TXNIP: variants seen among roughly 807,000 people sequenced by gnomAD.
TXNIP encodes thioredoxin interacting protein, also known as thioredoxin-interacting protein.
A neutral mutation model predicts 43.9 loss-of-function variants in TXNIP; 23 were observed. The observed-to-expected ratio is 0.52, with a 90% confidence interval of 0.38 to 0.74. TXNIP has a LOEUF of 0.74. TXNIP is among the 30% of genes least tolerant of loss of function. The probability of loss-of-function intolerance (pLI) is 0.00; values close to 1 mark genes in which losing one functional copy is unlikely to be tolerated. For missense variants in TXNIP, 555 were observed against 485.4 expected, an observed-to-expected ratio of 1.14 and a Z score of -1.35; for synonymous variants, 234 against 172.2, an observed-to-expected ratio of 1.36 and a Z score of -2.81.
In TXNIP at chr1:145,993,115, CAT is replaced by C. The variant is rs1356195735; in HGVS notation, c.*734_*735del. The C allele has an allele frequency of 6.6e-6, 1 of 152,628 alleles. No individual in the cohort carries two copies. Among genetic ancestry groups the C allele is most frequent in the Admixed American group, 6.5e-5 (1 of 15,280 alleles). The allele number at this position is 152,628 out of a possible 1,614,324, so 9.5% of individuals were successfully genotyped here. A position where few individuals can be genotyped will look rare whatever the true frequency, so the allele number is the denominator to read the frequency against. ...TTACATGAAGAGAAAACCATCCTCC[CAT>C]ATGAAAATATTTGCAGTAGGAGAAC... On this transcript the variant is annotated 3_prime_UTR_variant, in exon 8 of 8. Coordinates refer to ENST00000582401, the MANE Select transcript of TXNIP (RefSeq NM_006472.6).
In TXNIP at chr1:145,993,813, A is replaced by G; in HGVS notation, c.*38T>C. The G allele has an allele frequency of 1.2e-6, 2 of 1,613,326 alleles. No individual in the cohort carries two copies. The highest frequency in any genetic ancestry group is 1.7e-6 in the Non-Finnish European group (2 of 1,179,518). The stretch of plus-strand genomic sequence containing the variant: ...AGTGTCCAGGAAGAGAGACAAAAAG[A>G]AACAAGTAGGTAAAGCTGCTTCTTT... On this transcript the variant is annotated 3_prime_UTR_variant, in exon 8 of 8. Transcript: ENST00000582401.
rs1409106007 is a variant in TXNIP at position 145,996,553 on chromosome 1, C to T, written c.-287G>A. 1.3e-5 allele frequency: 4 copies of T among 297,636 alleles called. No individual in the cohort carries two copies. Among genetic ancestry groups the T allele is most frequent in the South Asian group, 3.4e-5 (1 of 29,116 alleles). 18.4% of individuals were successfully genotyped at this position (297,636 alleles called of 1,614,324 possible). ...AAAAGATCCGATCTCCACAAGCACT[C>T]CTTTGGAGAAAAAGAGGGGTTAGTT... is the stretch of plus-strand genomic sequence containing the variant. On this transcript the variant is annotated 5_prime_UTR_variant, in exon 1 of 8. Coordinates refer to ENST00000582401, the MANE Select transcript of TXNIP (RefSeq NM_006472.6).
rs1297825524 is a variant in TXNIP, at chr1:145,992,950, ATTTT to A, written c.*897_*900del. On this transcript the variant is annotated 3_prime_UTR_variant, in exon 8 of 8. Transcript: ENST00000582401. ...TTGGGGCAATCTCAAAAGTAGTAAA[ATTTT>A]TTTTGTCTTTTGGCTTAACCCTAGA... 3.9e-5 allele frequency: 6 copies of A among 152,438 alleles called. No individual in the cohort carries two copies. Among genetic ancestry groups the A allele is most frequent in the Non-Finnish European group, 4.4e-5 (3 of 68,006 alleles). 9.4% of individuals were successfully genotyped at this position (152,438 alleles called of 1,614,324 possible). A position where few individuals can be genotyped will look rare whatever the true frequency, so the allele number is the denominator to read the frequency against.
rs782549753 is a variant in TXNIP, at chr1:145,996,558, G to A, written c.-292C>T. On this transcript the variant is annotated 5_prime_UTR_variant, in exon 1 of 8. Coordinates refer to ENST00000582401, the MANE Select transcript of TXNIP (RefSeq NM_006472.6). ...ATCCGATCTCCACAAGCACTCCTTTGGAGAAAAAGAGGGGTTAGTTTCAAG... is the reference window on the plus strand; with the variant it reads ...ATCCGATCTCCACAAGCACTCCTTTAGAGAAAAAGAGGGGTTAGTTTCAAG... The A allele has an allele frequency of 3.1e-5, 9 of 287,072 alleles. No homozygotes were observed. The highest frequency in any genetic ancestry group is 5.0e-5 in the Admixed American group (1 of 19,852). 17.8% of individuals were successfully genotyped at this position (287,072 alleles called of 1,614,324 possible). A position where few individuals can be genotyped will look rare whatever the true frequency, so the allele number is the denominator to read the frequency against.
Position 145,994,201 on chromosome 1 carries a change from G to A in TXNIP, c.989-34C>T, listed in dbSNP as rs782338839. The A allele has an allele frequency of 3.7e-6, 6 of 1,612,936 alleles. No homozygotes were observed. In the Admixed American group the frequency reaches 1.0e-4, roughly 27 times the overall value. On this transcript the variant is annotated intron_variant, in intron 6 of 7. Transcript: ENST00000582401. ...GAAAATATGGCCACATAAGAATCCT[G>A]CCCAAGAAATGCTGGACCATCACAA...
chr1:145,994,083 G>C lies in TXNIP; in HGVS notation c.1073C>G (p.Ser358Cys), dbSNP rs781820408. Residue 358 changes from serine (S) to cysteine (C), a missense_variant, in exon 7 of 8, where the codon TCT (serine) becomes TGT (cysteine). Coordinates refer to ENST00000582401, the MANE Select transcript of TXNIP (RefSeq NM_006472.6). ...ATACATAAAGATAGGGCTGTCTTGA[G>C]AGCCATCCATGTCATCTAGCAGAGG... is the stretch of plus-strand genomic sequence containing the variant. ...TTPLLDDMDG[S>C]QDSPIFMYAP... is the part of the protein sequence containing the mutation. 1 of 1,614,180 alleles carries C rather than the reference G, an allele frequency of 6.2e-7. No individual in the cohort carries two copies. Among genetic ancestry groups the C allele is most frequent in the South Asian group, 1.1e-5 (1 of 91,092 alleles).
chr1:145,996,480 C>T lies in TXNIP; in HGVS notation c.-214G>A, dbSNP rs1203485109. 3.8e-6 allele frequency: 2 copies of T among 524,898 alleles called. No individual in the cohort carries two copies. The highest frequency in any genetic ancestry group is 2.4e-5 in the South Asian group (1 of 42,334). 32.5% of individuals were successfully genotyped at this position (524,898 alleles called of 1,614,324 possible). On this transcript the variant is annotated 5_prime_UTR_variant, in exon 1 of 8. Transcript: ENST00000582401. Reference sequence around the variant, plus strand: ...CCTAAAAAATATACGCCGCTGGTTACACTAAGCTAATTCAGAGAAAAAGCC... The same window carrying T: ...CCTAAAAAATATACGCCGCTGGTTATACTAAGCTAATTCAGAGAAAAAGCC...
At chr1:145,995,677 T>G (rs189564670) in intron 1 of TXNIP, 1 of 636,706 alleles carries the variant, frequency 1.6e-6, no homozygotes, top group East Asian at 2.7e-5. Context: ...TGCCAAGCCC[T>G]GCAATACTGA....
rs782102956 is a variant in TXNIP at position 145,996,133 on chromosome 1, C to G, written c.134G>C (p.Arg45Thr). The G allele has an allele frequency of 1.2e-6, 2 of 1,614,108 alleles. No homozygotes were observed. Among genetic ancestry groups the G allele is most frequent in the Non-Finnish European group, 1.7e-6 (2 of 1,180,018 alleles). ...TTTAGCCACTCCGCAAGCCAGGATC[C>G]TAACGGCTTTGACACGAGTAACTTC... is the stretch of plus-strand genomic sequence containing the variant. ...VCEVTRVKAV[R>T]ILACGVAKVL... is the part of the protein sequence containing the mutation. Residue 45 changes from arginine to threonine, a missense_variant, in exon 1 of 8, where the codon AGG becomes ACG. Arg to Thr is a moderately conservative substitution (Grantham distance 71). Coordinates refer to ENST00000582401, the MANE Select transcript of TXNIP (RefSeq NM_006472.6).
At position 145,992,923 on chromosome 1, in the gene TXNIP, C is replaced by A. The variant is rs1334743209; in HGVS notation, c.*928G>T. 2 of 152,646 alleles carry A rather than the reference C, an allele frequency of 1.3e-5. No individual in the cohort carries two copies. The highest frequency in any genetic ancestry group is 4.8e-5 in the African/African-American group (2 of 41,448). 9.5% of individuals were successfully genotyped at this position (152,646 alleles called of 1,614,324 possible). ...AGCGTTAGAATTATATAATTCTGTA[C>A]ATTGGGGCAATCTCAAAAGTAGTAA... On this transcript the variant is annotated 3_prime_UTR_variant, in exon 8 of 8. Transcript: ENST00000582401.
Position 145,993,702 on chromosome 1 carries a change from C to T in TXNIP, c.*149G>A. 1 of 853,716 alleles carries T rather than the reference C, an allele frequency of 1.2e-6. No individual in the cohort carries two copies. Among genetic ancestry groups the T allele is most frequent in the Non-Finnish European group, 1.8e-6 (1 of 558,422 alleles). 52.9% of individuals were successfully genotyped at this position (853,716 alleles called of 1,614,324 possible). A position where few individuals can be genotyped will look rare whatever the true frequency, so the allele number is the denominator to read the frequency against. ...CATCCTTTAAGGCCCAGGAGATTGC[C>T]TGCTGACCACCTCCTACATTAGGAA... On this transcript the variant is annotated 3_prime_UTR_variant, in exon 8 of 8. Coordinates refer to ENST00000582401, the MANE Select transcript of TXNIP (RefSeq NM_006472.6).
Position 145,995,261 on chromosome 1 carries a change from A to G in TXNIP, c.354T>C (p.Tyr118=), listed in dbSNP as rs781991546. Reference sequence around the variant, plus strand: ...CCTTCACCCAGTAGTCTACACACCCATATTTTCCTTTGAAGGATGTTCCCA... The same window carrying G: ...CCTTCACCCAGTAGTCTACACACCCGTATTTTCCTTTGAAGGATGTTCCCA... ...GPLGTSFKGK[Y]GCVDYWVKAF... is the part of the protein sequence containing the mutation. The change falls in exon 3 of 8, where the codon TAT becomes TAC. Residue 118 remains tyrosine (Y), a synonymous_variant. Coordinates refer to ENST00000582401, the MANE Select transcript of TXNIP (RefSeq NM_006472.6). 4.3e-6 allele frequency: 7 copies of G among 1,614,018 alleles called. No individual in the cohort carries two copies. The highest frequency in any genetic ancestry group is 4.5e-5 in the East Asian group (2 of 44,902).
Position 145,994,167 on chromosome 1 carries a change from G to C in TXNIP, c.989C>G (p.Ala330Gly). Residue 330 changes from alanine (A) to glycine (G), a missense_variant and splice_region_variant, in exon 7 of 8, where the codon GCT becomes GGT. By Grantham distance (60) the Ala-to-Gly change is moderately conservative (BLOSUM62 0). Coordinates refer to ENST00000582401, the MANE Select transcript of TXNIP (RefSeq NM_006472.6). ...AATGACATCCATATAGCAGGGAGGAGCTAGAAAAGAAAATATGGCCACATA... is the reference window on the plus strand; with the variant it reads ...AATGACATCCATATAGCAGGGAGGACCTAGAAAAGAAAATATGGCCACATA... The part of the protein sequence containing the change: ...VDLNIPDTPE[A>G]PPCYMDVIPE... 4.3e-6 allele frequency: 7 copies of C among 1,613,884 alleles called. No individual in the cohort carries two copies. Among genetic ancestry groups the C allele is most frequent in the Non-Finnish European group, 5.9e-6 (7 of 1,179,918 alleles).
At position 145,994,549 on chromosome 1, in the gene TXNIP, A is replaced by G; in HGVS notation, c.826T>C (p.Leu276=). 1.9e-6 allele frequency: 3 copies of G among 1,614,250 alleles called. No homozygotes were observed. Among genetic ancestry groups the G allele is most frequent in the Non-Finnish European group, 2.5e-6 (3 of 1,180,048 alleles). The part of the protein sequence containing the change: ...GCNILRVEYS[L]LIYVSVPGSK... Reference sequence around the variant, plus strand: ...GCCACCCTGCATCTACCCACCAGTAAGGAATATTCAACTCGAAGGATGTTG... The same window carrying G: ...GCCACCCTGCATCTACCCACCAGTAGGGAATATTCAACTCGAAGGATGTTG... The change falls in exon 5 of 8, where the codon TTA becomes CTA. Residue 276 remains leucine (L), a synonymous_variant. Coordinates refer to ENST00000582401, the MANE Select transcript of TXNIP (RefSeq NM_006472.6).
At chr1:145,993,947 C>G in intron 7 of TXNIP, 61 bp from the exon 8 acceptor site, 4 of 1,613,818 alleles carry the variant, frequency 2.5e-6, no homozygotes, top group Non-Finnish European at 3.4e-6. Context: ...ACCAGTTTAG[C>G]AATCCGTCTA....
At chr1:145,995,670 C>CA in intron 1 of TXNIP, 194 bp from the exon 2 acceptor site, 2 of 641,336 alleles carry the variant, frequency 3.1e-6, no homozygotes, top group Non-Finnish European at 5.5e-6. Context: ...AGCAAGTTGC[C>CA]AAGCCCTGCA....
In TXNIP at chr1:145,996,004, T is replaced by C. The variant is rs1553766508; in HGVS notation, c.250+13A>G. ...TCAGCTTTCACCCTCCAACAATGAA[T>C]TGGGCCGCTTACCTGTTGGCTGGTC... is the stretch of plus-strand genomic sequence containing the variant. On this transcript the variant is annotated intron_variant, in intron 1 of 7. Coordinates refer to ENST00000582401, the MANE Select transcript of TXNIP (RefSeq NM_006472.6). 2.5e-6 allele frequency: 4 copies of C among 1,611,892 alleles called. No homozygotes were observed. In the Admixed American group the frequency reaches 5.0e-5, roughly 20 times the overall value.
Position 145,994,176 on chromosome 1 carries a change from G to C in TXNIP, c.989-9C>G, listed in dbSNP as rs371349141. On this transcript the variant is annotated splice_polypyrimidine_tract_variant and intron_variant, in intron 6 of 7. Transcript: ENST00000582401. The stretch of plus-strand genomic sequence containing the variant: ...CATATAGCAGGGAGGAGCTAGAAAA[G>C]AAAATATGGCCACATAAGAATCCTG... 17 of 1,613,746 alleles carry C rather than the reference G, an allele frequency of 1.1e-5. No individual in the cohort carries two copies. The highest frequency in any genetic ancestry group is 1.2e-5 in the Non-Finnish European group (14 of 1,179,904).
Position 145,994,153 on chromosome 1 carries a change from T to A in TXNIP, c.1003A>T (p.Met335Leu), listed in dbSNP as rs781854032. The stretch of plus-strand genomic sequence containing the variant: ...CGGTGATCTTCAGGAATGACATCCA[T>A]ATAGCAGGGAGGAGCTAGAAAAGAA... ...PDTPEAPPCY[M>L]DVIPEDHRLE... Residue 335 changes from methionine to leucine, a missense_variant, in exon 7 of 8, where the codon ATG (methionine) becomes TTG (leucine). Transcript: ENST00000582401. The A allele has an allele frequency of 6.2e-7, 1 of 1,614,020 alleles. No individual in the cohort carries two copies. The highest frequency in any genetic ancestry group is 1.6e-4 in the Middle Eastern group (1 of 6,084).
Sources: allele counts gnomAD v4.1 joint callset, GRCh38; gene constraint gnomAD v4.1.1; transcripts MANE v1.5; gene names NCBI Gene and HGNC (gene_info 2026-07-23, HGNC 2026-07-21).